NLRC5: variants seen among roughly 807,000 people sequenced by gnomAD.
NLRC5 encodes the protein protein NLRC5.
In NLRC5, 114 loss-of-function variants were observed where a neutral mutation model predicts 206.9. The ratio of observed to expected loss-of-function variants is 0.55; its 90% CI spans 0.47 to 0.64. The LOEUF (loss-of-function observed/expected upper bound fraction) is 0.64, where lower values mean the gene tolerates loss of function less well. Among genes scored for constraint, NLRC5 ranks in the 30% least tolerant of loss-of-function variants. The probability of loss-of-function intolerance (pLI) is 0.00; values close to 1 mark genes in which losing one functional copy is unlikely to be tolerated. For missense variants in NLRC5, 2,008 were observed against 2,305.5 expected (o/e 0.87, Z 2.64); for synonymous variants, 952 against 962.8 (o/e 0.99, Z 0.21).
chr16:57,078,915 A>G, intron 43 of NLRC5, 135 bp from the exon 44 acceptor site: 1 of 771,238 alleles, frequency 1.3e-6, no homozygotes, highest in African/African-American at 1.8e-5. Context: ...CTTGATACCT[A>G]CCCAGGTCCT....
At chr16:57,001,065 C>A (rs1363174539) in intron 1 of NLRC5, among the ~76,000 whole-genome samples, 1 of 152,210 alleles carries the variant, frequency 6.6e-6, no homozygotes, top group African/African-American at 2.4e-5. Flanking sequence ...ATCCGAAGCC[C>A]TGACATCATC....
chr16:57,003,284 A>G (rs922484496), intron 1 of NLRC5, among the ~76,000 whole-genome samples: 6 of 151,800 alleles, frequency 4.0e-5, no homozygotes, highest in African/African-American at 9.7e-5. Context: ...TCCGGACCTC[A>G]GGTGATCTGC....
intron 1 of NLRC5, among the ~76,000 whole-genome samples, chr16:57,003,119 G>A (rs568988138): frequency 2.0e-5 from 3 of 152,112 alleles, no homozygotes; most frequent in Admixed American, 1.3e-4. Context: ...GAGTGCAGTG[G>A]CGTGATCTCA....
At chr16:57,078,463 C>CTTTTTTTTTTTTTTT (rs1567650358) in intron 43 of NLRC5, among the ~76,000 whole-genome samples, 1 of 123,884 alleles carries the variant, frequency 8.1e-6, no homozygotes, top group African/African-American at 3.6e-5. Flanking sequence ...GTGCTGGGAC[C>CTTTTTTTTTTTTTTT]TTGTTTTTTT....
chr16:57,031,140 C>T (rs56172892), intron 10 of NLRC5, among the ~76,000 whole-genome samples: 19,940 of 151,954 alleles, frequency 0.13, 1,636 homozygotes, highest in African/African-American at 0.22. Flanking sequence ...TCACAACATT[C>T]TTAATTTTTA....
intron 11 of NLRC5, 105 bp from the exon 12 acceptor site, chr16:57,033,499 G>A (rs537821937): frequency 9.8e-7 from 1 of 1,022,658 alleles, no homozygotes; most frequent in East Asian, 2.4e-5. Context: ...ACTCACTTTG[G>A]GTTGTGCTTC....
intron 45 of NLRC5, 99 bp downstream of exon 45, chr16:57,079,391 G>A (rs2068843957): frequency 7.0e-7 from 1 of 1,435,594 alleles, no homozygotes; most frequent in Non-Finnish European, 9.8e-7. Context: ...TGAAGTGATA[G>A]AAGCCCCAGG....
chr16:57,070,503 G>A lies in NLRC5; in HGVS notation c.4584-32G>A, dbSNP rs764289318. On this transcript the variant is annotated intron_variant, in intron 37 of 48. Transcript: ENST00000688547. ...TCAGCTCCAGGGCTGGGCAGGCTGC[G>A]CTAACCCTTGCCTCTGCCTGGTCTT... 3.1e-5 allele frequency: 49 copies of A among 1,601,402 alleles called. No homozygotes were observed. The East Asian group carries it at 7.4e-4, about 24-fold the overall frequency.
Position 57,050,228 on chromosome 16 carries a change from C to G in NLRC5, c.3423-1310C>G, listed in dbSNP as rs150874153. On this transcript the variant is annotated intron_variant, in intron 23 of 48. Coordinates refer to ENST00000688547, the MANE Select transcript of NLRC5 (RefSeq NM_001384950.1). The stretch of plus-strand genomic sequence containing the variant: ...TGGAAAGACCACCCTCAATAAAGGC[C>G]CCAGTCCTGACTGTGCCTCAGGGGC... 2.8e-3 allele frequency among the ~76,000 whole-genome samples: 428 copies of G among 152,312 alleles called. 3 individuals are homozygous for G. Among genetic ancestry groups the G allele is most frequent in the African/African-American group, 9.7e-3 (405 of 41,578 alleles).
chr16:57,069,024 G>A (rs2067354896), intron 36 of NLRC5, among the ~76,000 whole-genome samples: 1 of 152,358 alleles, frequency 6.6e-6, no homozygotes, highest in African/African-American at 2.4e-5. Flanking sequence ...CACATGATGT[G>A]TCAGAGTCCT....
chr16:57,078,534 C>T (rs1023213328), intron 43 of NLRC5, among the ~76,000 whole-genome samples: 1 of 144,738 alleles, frequency 6.9e-6, no homozygotes, highest in African/African-American at 2.6e-5. Context: ...TGCAGTGGTG[C>T]AACCTCGGCT....
In NLRC5 at chr16:57,027,617, T is replaced by TC. The variant is rs1250448810; in HGVS notation, c.2076-454dup. Among the ~76,000 whole-genome samples, 26 of 147,828 alleles carry TC rather than the reference T, an allele frequency of 1.8e-4. No homozygotes were observed. The East Asian group carries it at 4.7e-3, about 27-fold the overall frequency. ...AGTGGAATGGCTCAGCTCCACGCAG[T>TC]CATGCAGGTACCCAGGTCCCTCCCA... is the stretch of plus-strand genomic sequence containing the variant. On this transcript the variant is annotated intron_variant, in intron 6 of 48. Coordinates refer to ENST00000688547, the MANE Select transcript of NLRC5 (RefSeq NM_001384950.1).
chr16:57,019,770 A>G (rs2060460863), intron 2 of NLRC5, among the ~76,000 whole-genome samples: 1 of 152,238 alleles, frequency 6.6e-6, no homozygotes, highest in Non-Finnish European at 1.5e-5. Context: ...GGAGACTGGG[A>G]TATAATAATC....
rs578249120 is a variant in NLRC5, at chr16:56,993,356, C to T, written c.-128+3739C>T. Among the ~76,000 whole-genome samples, 8 of 152,046 alleles carry T rather than the reference C, an allele frequency of 5.3e-5. No homozygotes were observed. In the East Asian group the frequency reaches 1.5e-3, roughly 29 times the overall value. On this transcript the variant is annotated intron_variant, in intron 1 of 48. Transcript: ENST00000688547. ...CCTAGTATTTCACCGTATGACTGCTCTGTAATTGATCTAACAGTTGTAGAA... is the reference window on the plus strand; with the variant it reads ...CCTAGTATTTCACCGTATGACTGCTTTGTAATTGATCTAACAGTTGTAGAA...
intron 38 of NLRC5, 144 bp from the exon 39 acceptor site, chr16:57,074,456 C>A (rs2068115302): frequency 5.6e-6 from 4 of 715,340 alleles, no homozygotes; most frequent in Non-Finnish European, 1.0e-5. Context: ...CAGTACAGTT[C>A]ATTTTGTAGA....
At chr16:57,003,058 T>C (rs1198597919) in intron 1 of NLRC5, among the ~76,000 whole-genome samples, 3 of 151,356 alleles carry the variant, frequency 2.0e-5, no homozygotes, top group Admixed American at 6.6e-5. Context: ...TGTTTGTTTG[T>C]TTGTTTGTTT....
intron 32 of NLRC5, chr16:57,062,145 T>C: frequency 1.2e-6 from 1 of 861,324 alleles, no homozygotes; most frequent in Non-Finnish European, 1.7e-6. Flanking sequence ...CTTCTATTTT[T>C]ATTTTTATTT....
Position 57,047,608 on chromosome 16 carries a change from C to T in NLRC5, c.3402C>T (p.Cys1134=), listed in dbSNP as rs1260571526. Residue 1134 remains cysteine, a synonymous_variant, in exon 23 of 49, where the codon TGC becomes TGT. Transcript: ENST00000688547. Reference sequence around the variant, plus strand: ...GCCTCTGTGCCACTCTGAAGGACTGCCCGGGACCCCTGGAACTGCAGTAAG... The same window carrying T: ...GCCTCTGTGCCACTCTGAAGGACTGTCCGGGACCCCTGGAACTGCAGTAAG... ...LTRLCATLKD[C]PGPLELQLSC... 1.2e-6 allele frequency: 2 copies of T among 1,613,152 alleles called. No homozygotes were observed. Among genetic ancestry groups the T allele is most frequent in the Non-Finnish European group, 1.7e-6 (2 of 1,179,644 alleles).
intron 45 of NLRC5, 43 bp from the exon 46 acceptor site, chr16:57,079,503 T>TC: frequency 6.4e-7 from 1 of 1,568,246 alleles, no homozygotes; most frequent in Middle Eastern, 1.7e-4. Flanking sequence ...ATCCCCTGAC[T>TC]CAAACAACCC....
Sources: gnomAD v4.1 joint callset for allele counts (sites outside exome capture counted in the v4.1 genomes callset) on GRCh38, gnomAD v4.1.1 for gene constraint, MANE v1.5 for transcripts, NCBI Gene and HGNC (gene_info 2026-07-23, HGNC 2026-07-21) for gene names.